Variants in MCPH1 observed in about 807,000 individuals in gnomAD.
MCPH1 encodes the protein microcephalin 1, also known as microcephalin.
Under a neutral mutation model 84.5 loss-of-function variants are expected in MCPH1, and 104 were observed. The observed-to-expected ratio is 1.23, with a 90% CI of 1.05 to 1.45. MCPH1 has a LOEUF of 1.45. Ranked by LOEUF, MCPH1 falls within the 40% of genes most tolerant of loss-of-function variation. The pLI is 0.00. For synonymous variants in MCPH1, 514 were observed against 366.8 expected, an observed-to-expected ratio of 1.40 and a Z score of -4.58; for missense variants, 1,498 against 1,005.7, an observed-to-expected ratio of 1.49 and a Z score of -6.62.
At chr8:6,523,669 A>G (rs952573920) in intron 12 of MCPH1, among the ~76,000 whole-genome samples, 13 of 152,240 alleles carry the variant, frequency 8.5e-5, no homozygotes, top group Admixed American at 5.9e-4. Flanking sequence ...AGCTCGCTGC[A>G]ACCTCCGCCT....
At chr8:6,560,000 T>A (rs1031552441) in intron 12 of MCPH1, among the ~76,000 whole-genome samples, 3 of 152,216 alleles carry the variant, frequency 2.0e-5, no homozygotes, top group Non-Finnish European at 4.4e-5. Context: ...GACCTTTTGA[T>A]GATGTGAAAC....
At chr8:6,576,047 T>TAAA (rs1563147297) in intron 12 of MCPH1, among the ~76,000 whole-genome samples, 1 of 138,394 alleles carries the variant, frequency 7.2e-6, no homozygotes, top group Admixed American at 7.1e-5. Flanking sequence ...TAATACAGCC[T>TAAA]TAAAAAAAAA....
intron 12 of MCPH1, among the ~76,000 whole-genome samples, chr8:6,535,521 T>C (rs1399545051): frequency 6.6e-6 from 1 of 152,246 alleles, no homozygotes; most frequent in Non-Finnish European, 1.5e-5. Context: ...TCCATTTATG[T>C]TAATCTTACA....
At position 6,445,087 on chromosome 8, in the gene MCPH1, A is replaced by G. The variant is rs1326131198; in HGVS notation, c.1365A>G (p.Ile455Met). The change falls in exon 8 of 14, where the codon ATA becomes ATG. Residue 455 changes from isoleucine (I) to methionine (M), a missense_variant. Transcript: ENST00000344683. ...TTTCTAAGAAGGAGAGAACAAGCAT[A>G]TTTGAAATGTCTGATTTTTCCTGCG... ...RSLSKKERTS[I>M]FEMSDFSCVG... 1.9e-6 allele frequency: 3 copies of G among 1,614,262 alleles called. No individual in the cohort carries two copies. The highest frequency in any genetic ancestry group is 1.1e-5 in the South Asian group (1 of 91,086).
chr8:6,626,683 T>G, intron 13 of MCPH1: 4 of 985,246 alleles, frequency 4.1e-6, no homozygotes, highest in Non-Finnish European at 4.8e-6. Flanking sequence ...AATTCCCATT[T>G]TATAAGTCAC....
At chr8:6,561,479 C>G (rs1316722600) in intron 12 of MCPH1, among the ~76,000 whole-genome samples, 3 of 152,220 alleles carry the variant, frequency 2.0e-5, no homozygotes, top group Non-Finnish European at 1.5e-5. Flanking sequence ...AAGATCCGTT[C>G]TGAGATTCAG....
intron 13 of MCPH1, among the ~76,000 whole-genome samples, chr8:6,637,924 T>C (rs988104094): frequency 1.3e-5 from 2 of 152,124 alleles, no homozygotes; most frequent in African/African-American, 4.8e-5. Flanking sequence ...CGCTGATACA[T>C]TGGATGTGGC....
intron 3 of MCPH1, among the ~76,000 whole-genome samples, chr8:6,428,741 GCACGCACACACACA>G (rs913080743): frequency 2.1e-5 from 3 of 142,406 alleles, no homozygotes; most frequent in African/African-American, 8.4e-5. Context: ...GGACACGTGC[GCACGCACACACACA>G]CACACACACA....
Position 6,480,732 on chromosome 8 carries a change from C to A in MCPH1, c.1992C>A (p.Ile664=), listed in dbSNP as rs777307293. The A allele has an allele frequency of 2.5e-6, 4 of 1,613,986 alleles. No homozygotes were observed. Among genetic ancestry groups the A allele is most frequent in the African/African-American group, 2.7e-5 (2 of 74,892 alleles). The change falls in exon 11 of 14, where the codon ATC becomes ATA. Residue 664 remains isoleucine, a synonymous_variant. Coordinates refer to ENST00000344683, the MANE Select transcript of MCPH1 (RefSeq NM_024596.5). ...TTGACAGAAAGCAGAATGTCGTCATCCAGGTTGTGGATAAATTGAAAGGCT... is the reference window on the plus strand; with the variant it reads ...TTGACAGAAAGCAGAATGTCGTCATACAGGTTGTGGATAAATTGAAAGGCT... ...SMPSEKQNVV[I]QVVDKLKGFS... is the part of the protein sequence containing the mutation.
chr8:6,463,672 G>C lies in MCPH1; in HGVS notation c.1935+8420G>C, dbSNP rs911451330. ...CCAGCTAGGGGCAGGAGGAAAGAGA[G>C]CTGCAGGGACACAGATGCCTTCCTG... is the stretch of plus-strand genomic sequence containing the variant. On this transcript the variant is annotated intron_variant, in intron 9 of 13. Transcript: ENST00000344683. 9.9e-5 allele frequency among the ~76,000 whole-genome samples: 15 copies of C among 152,182 alleles called. 1 individual carries two copies. Among genetic ancestry groups the C allele is most frequent in the African/African-American group, 3.6e-4 (15 of 41,452 alleles).
intron 11 of MCPH1, among the ~76,000 whole-genome samples, chr8:6,489,969 T>A (rs1190198264): frequency 1.3e-5 from 2 of 152,230 alleles, no homozygotes; most frequent in Non-Finnish European, 2.9e-5. Context: ...CCACCCATCC[T>A]TTTCCAAATC....
intron 12 of MCPH1, among the ~76,000 whole-genome samples, chr8:6,600,720 A>T (rs1829294123): frequency 6.6e-6 from 1 of 152,212 alleles, no homozygotes; most frequent in South Asian, 2.1e-4. Context: ...AAACGAAAGG[A>T]TTGGACCTCT....
chr8:6,453,777 G>C (rs938509058), intron 8 of MCPH1, among the ~76,000 whole-genome samples: 1 of 152,168 alleles, frequency 6.6e-6, no homozygotes, highest in Non-Finnish European at 1.5e-5. Context: ...AAGTGGGCCT[G>C]GGAGAAAAGT....
chr8:6,479,454 A>G (rs1808907733), intron 10 of MCPH1, among the ~76,000 whole-genome samples: 1 of 139,830 alleles, frequency 7.2e-6, no homozygotes, highest in African/African-American at 2.9e-5. Context: ...ATTTATTTTG[A>G]GACAGAGTCT....
At chr8:6,514,845 G>T (rs1293761523) in intron 12 of MCPH1, 13 of 1,399,526 alleles carry the variant, frequency 9.3e-6, no homozygotes, top group Admixed American at 1.7e-5. Context: ...AGCAGAAGCA[G>T]GAGGAATGTA....
chr8:6,626,449 GGTT>G, intron 13 of MCPH1: 2 of 982,234 alleles, frequency 2.0e-6, no homozygotes, highest in Non-Finnish European at 2.4e-6. Context: ...GGAGAAATGG[GGTT>G]GTTGTTTGGT....
intron 9 of MCPH1, among the ~76,000 whole-genome samples, chr8:6,465,237 A>C (rs1806730439): frequency 6.6e-6 from 1 of 152,166 alleles, no homozygotes; most frequent in African/African-American, 2.4e-5. Flanking sequence ...AGCAAACTTG[A>C]ATCCTTATTT....
intron 8 of MCPH1, among the ~76,000 whole-genome samples, chr8:6,453,942 G>A (rs1371957201): frequency 6.6e-6 from 1 of 152,112 alleles, no homozygotes; most frequent in Non-Finnish European, 1.5e-5. Flanking sequence ...AATCTGTCCA[G>A]GGCCCAGGCT....
At chr8:6,437,757 C>G (rs1802883684) in intron 5 of MCPH1, among the ~76,000 whole-genome samples, 2 of 152,206 alleles carry the variant, frequency 1.3e-5, no homozygotes, top group Admixed American at 1.3e-4. Context: ...TCTCCTTCTT[C>G]CTGACACTAA....
Sources: gnomAD v4.1 joint callset for allele counts (sites outside exome capture counted in the v4.1 genomes callset) on GRCh38, gnomAD v4.1.1 for gene constraint, MANE v1.5 for transcripts, NCBI Gene and HGNC (gene_info 2026-07-23, HGNC 2026-07-21) for gene names.